DNAJC27: variants seen among roughly 807,000 people sequenced by gnomAD.
DNAJC27 encodes the protein dnaJ homolog subfamily C member 27.
Under a neutral mutation model 31.4 loss-of-function variants are expected in DNAJC27, and 25 were observed. The ratio of observed to expected loss-of-function variants is 0.80; its 90% confidence interval spans 0.58 to 1.11. The LOEUF is 1.11. Ranked by LOEUF, DNAJC27 falls within the 50% of genes most tolerant of loss-of-function variation. DNAJC27 has a pLI of 0.00. For missense variants in DNAJC27, 356 were observed against 347.3 expected, an observed-to-expected ratio of 1.02 and a Z score of -0.20; for synonymous variants, 106 against 112.7, an observed-to-expected ratio of 0.94 and a Z score of 0.37.
At chr2:24,970,835 T>TAC (rs1666315963) in intron 1 of DNAJC27, among the ~76,000 whole-genome samples, 1 of 151,650 alleles carries the variant, frequency 6.6e-6, no homozygotes, top group African/African-American at 2.4e-5. Context: ...TGCTAGCACA[T>TAC]ACACACAAAA....
At chr2:24,972,038 C>T (rs534868695), upstream of DNAJC27, 310 of 648,976 alleles carry the variant, frequency 4.8e-4, 3 homozygotes, top group African/African-American at 5.3e-3. Context: ...CCATCCCCGC[C>T]GCTGCCTGGC....
At chr2:24,957,635 T>C (rs541837937) in intron 4 of DNAJC27, among the ~76,000 whole-genome samples, 175 bp downstream of exon 4, 12 of 152,308 alleles carry the variant, frequency 7.9e-5, no homozygotes, top group Admixed American at 4.6e-4. Flanking sequence ...AATTTTGATA[T>C]AGCAGGTTTT....
rs1246429003 is a variant in DNAJC27 at position 24,966,024 on chromosome 2, C to T, written c.170+1187G>A. On this transcript the variant is annotated intron_variant, in intron 2 of 6. Transcript: ENST00000264711. The stretch of plus-strand genomic sequence containing the variant: ...ATATACAAATAATAACAATACAAGG[C>T]AATTTTTGGTAAGTACCATAAATAC... Among the ~76,000 whole-genome samples, 4 of 152,070 alleles carry T rather than the reference C, an allele frequency of 2.6e-5. No homozygotes were observed. The East Asian group carries it at 7.7e-4, about 29-fold the overall frequency.
intron 3 of DNAJC27, 43 bp downstream of exon 3, chr2:24,963,362 C>A (rs368864997): frequency 3.0e-5 from 45 of 1,506,662 alleles, no homozygotes; most frequent in East Asian, 9.0e-5. Flanking sequence ...CCCCAAACCA[C>A]CAACAATACT....
At chr2:24,950,400 C>CTACA (rs1161956960) in intron 6 of DNAJC27, among the ~76,000 whole-genome samples, 1 of 152,130 alleles carries the variant, frequency 6.6e-6, no homozygotes, top group Admixed American at 6.5e-5. Context: ...GCATATTGTA[C>CTACA]TACACTACAA....
rs1665778955 is a variant in DNAJC27, at chr2:24,951,739, A to C, written c.529-185T>G. Among the ~76,000 whole-genome samples, 3 of 152,066 alleles carry C rather than the reference A, an allele frequency of 2.0e-5. 1 individual carries two copies. In the South Asian group the frequency reaches 6.2e-4, roughly 32 times the overall value. ...TTAAATATATATATTCATATATTTT[A>C]ATACACAAAAAGTATAAGGAATAAA... On this transcript the variant is annotated intron_variant, in intron 5 of 6. Coordinates refer to ENST00000264711, the MANE Select transcript of DNAJC27 (RefSeq NM_016544.3).
intron 6 of DNAJC27, among the ~76,000 whole-genome samples, chr2:24,948,588 G>C (rs139967585): frequency 5.4e-4 from 83 of 152,306 alleles, no homozygotes; most frequent in Non-Finnish European, 5.6e-4. Context: ...GTATTATCCA[G>C]AGAGGAAAGG....
intron 2 of DNAJC27, 85 bp from the exon 3 acceptor site, chr2:24,963,559 AT>A (rs1666103102): frequency 9.0e-7 from 1 of 1,106,862 alleles, no homozygotes; most frequent in African/African-American, 1.6e-5. Context: ...TCAAAAGGAT[AT>A]GTGTATGCAA....
intron 3 of DNAJC27, among the ~76,000 whole-genome samples, chr2:24,960,520 CAGAT>C (rs920851645): frequency 7.2e-5 from 11 of 152,292 alleles, no homozygotes; most frequent in East Asian, 3.9e-4. Context: ...ATTTCAAAAA[CAGAT>C]AGGCCAAAAG....
chr2:24,967,637 T>C (rs1573119038), intron 1 of DNAJC27, among the ~76,000 whole-genome samples: 1 of 151,616 alleles, frequency 6.6e-6, no homozygotes, highest in African/African-American at 2.4e-5. Context: ...GAGGCGGAGG[T>C]TGCAGTGAGC....
At chr2:24,957,228 A>C (rs1665928968) in intron 4 of DNAJC27, 63 bp from the exon 5 acceptor site, 5 of 1,503,180 alleles carry the variant, frequency 3.3e-6, no homozygotes, top group Non-Finnish European at 4.4e-6. Flanking sequence ...GAATGGACCC[A>C]GTGAGGGTCT....
At chr2:24,972,018 C>G, upstream of DNAJC27, 1 of 745,642 alleles carries the variant, frequency 1.3e-6, no homozygotes, top group Non-Finnish European at 2.0e-6. Context: ...CGCCTCGCCT[C>G]CGCTGCTCGC....
rs1264009241 is a variant in DNAJC27 at position 24,945,752 on chromosome 2, A to C, written c.*1864T>G. ...TCATTTAAAAAGTTGTTTTGATATT[A>C]CCAAGATGAAAAGTGCGATGATAAA... On this transcript the variant is annotated 3_prime_UTR_variant, in exon 7 of 7. Transcript: ENST00000264711. 3 of 152,238 alleles carry C rather than the reference A, an allele frequency of 2.0e-5. No homozygotes were observed. The highest frequency in any genetic ancestry group is 4.4e-5 in the Non-Finnish European group (3 of 68,044). The allele number at this position is 152,238 out of a possible 1,614,324, so 9.4% of individuals were successfully genotyped here. A position where few individuals can be genotyped will look rare whatever the true frequency, so the allele number is the denominator to read the frequency against.
rs1337433287 is a variant in DNAJC27 at position 24,944,528 on chromosome 2, T to C, written c.*3088A>G. On this transcript the variant is annotated 3_prime_UTR_variant, in exon 7 of 7. Transcript: ENST00000264711. ...TAGTTACTTAGTTGAGAATTCAATA[T>C]ATGAGAACATACTAGAGTAAGTTTC... The C allele has an allele frequency of 6.6e-6, 1 of 152,614 alleles. No homozygotes were observed. Among genetic ancestry groups the C allele is most frequent in the Non-Finnish European group, 1.5e-5 (1 of 68,042 alleles). 9.5% of individuals were successfully genotyped at this position (152,614 alleles called of 1,614,324 possible).
intron 1 of DNAJC27, among the ~76,000 whole-genome samples, chr2:24,970,220 T>C (rs1033502244): frequency 6.6e-6 from 1 of 152,168 alleles, no homozygotes; most frequent in Non-Finnish European, 1.5e-5. Context: ...AATTTTGCTT[T>C]ATTGAATTTT....
chr2:24,966,824 G>T (rs1161448124), intron 2 of DNAJC27, among the ~76,000 whole-genome samples: 1 of 152,186 alleles, frequency 6.6e-6, no homozygotes, highest in Non-Finnish European at 1.5e-5. Context: ...GGTAGAAAAT[G>T]TTCCACACAA....
chr2:24,967,154 T>C (rs1308042713), intron 2 of DNAJC27, 57 bp downstream of exon 2: 1 of 1,360,044 alleles, frequency 7.4e-7, no homozygotes, highest in Non-Finnish European at 1.0e-6. Flanking sequence ...TATGGATCAT[T>C]TTGGAAAGTT....
chr2:24,971,709 G>A, intron 1 of DNAJC27, 109 bp downstream of exon 1: 2 of 942,680 alleles, frequency 2.1e-6, no homozygotes, highest in Non-Finnish European at 3.1e-6. Context: ...GGCCTGCTCG[G>A]GGGCGGAGAG....
rs539244689 is a variant in DNAJC27, at chr2:24,960,661, T to C, written c.241-2687A>G. ...AAAGTGAGACAGCATATTGCTGATA[T>C]GGAGAAAGCGTTAGTGGTCTGGATA... On this transcript the variant is annotated intron_variant, in intron 3 of 6. Transcript: ENST00000264711. 2.0e-4 allele frequency among the ~76,000 whole-genome samples: 30 copies of C among 152,362 alleles called. 1 individual carries two copies. Among genetic ancestry groups the C allele is most frequent in the African/African-American group, 7.0e-4 (29 of 41,588 alleles).
Sources: allele counts gnomAD v4.1 joint callset (sites outside exome capture counted in the v4.1 genomes callset), GRCh38; gene constraint gnomAD v4.1.1; transcripts MANE v1.5; gene names NCBI Gene and HGNC (gene_info 2026-07-23, HGNC 2026-07-21).